SGMS1: variants seen among roughly 807,000 people sequenced by gnomAD.
SGMS1 encodes sphingomyelin synthase 1.
A neutral mutation model predicts 46.2 loss-of-function variants in SGMS1; 13 were observed. The observed-to-expected ratio is 0.28, with a 90% confidence interval of 0.18 to 0.45. The LOEUF (loss-of-function observed/expected upper bound fraction) is 0.45, where lower values mean the gene tolerates loss of function less well. Among genes scored for constraint, SGMS1 ranks in the 20% least tolerant of loss-of-function variants. The pLI, the probability that SGMS1 is intolerant of heterozygous loss-of-function variation, is 1.00. For synonymous variants in SGMS1, 203 were observed against 187.8 expected (o/e 1.08, Z -0.66); for missense variants, 324 against 519.9 (o/e 0.62, Z 3.66).
chr10:50,344,028 C>A lies in SGMS1; in HGVS notation c.87G>T (p.Glu29Asp). The A allele has an allele frequency of 6.2e-7, 1 of 1,614,140 alleles. No homozygotes were observed. The highest frequency in any genetic ancestry group is 8.5e-7 in the Non-Finnish European group (1 of 1,180,032). Residue 29 changes from glutamate to aspartate, a missense_variant, in exon 7 of 11, where the codon GAG (glutamate) becomes GAT (aspartate). Physicochemically the swap from Glu to Asp is conservative, Grantham distance 45. Transcript: ENST00000361781. The stretch of plus-strand genomic sequence containing the variant: ...TGATCAAGTCCTGGCCTGTGAAATG[C>A]TCCAGAGGCTCACAGTATTCTGGCA... ...NAMPEYCEPLEHFTGQDLINL... is the reference protein window; with the variant it reads ...NAMPEYCEPLDHFTGQDLINL...
At chr10:50,499,907 G>A (rs997272414) in intron 3 of SGMS1, among the ~76,000 whole-genome samples, 11 of 152,170 alleles carry the variant, frequency 7.2e-5, no homozygotes, top group African/African-American at 2.7e-4. Context: ...AGTGGCTCAC[G>A]CCTGTAATCC....
chr10:50,445,869 T>TCA (rs1837005617), intron 5 of SGMS1, among the ~76,000 whole-genome samples: 1 of 152,116 alleles, frequency 6.6e-6, no homozygotes, highest in Non-Finnish European at 1.5e-5. Flanking sequence ...AGGAGAAATA[T>TCA]CACTGAATTC....
chr10:50,540,171 C>T (rs1172879879), intron 2 of SGMS1, among the ~76,000 whole-genome samples: 1 of 152,094 alleles, frequency 6.6e-6, no homozygotes, highest in African/African-American at 2.4e-5. Flanking sequence ...ATACAAGGAC[C>T]TAAACATCCA....
chr10:50,422,116 A>G (rs577537582), intron 6 of SGMS1, among the ~76,000 whole-genome samples: 9 of 152,102 alleles, frequency 5.9e-5, no homozygotes, highest in Non-Finnish European at 1.0e-4. Flanking sequence ...TTATACTTCC[A>G]TTTCACAACT....
intron 1 of SGMS1, among the ~76,000 whole-genome samples, chr10:50,618,222 A>G (rs1427760376): frequency 6.6e-6 from 1 of 152,206 alleles, no homozygotes; most frequent in East Asian, 1.9e-4. Flanking sequence ...TGAACTTCAA[A>G]TAGAATAAAG....
At chr10:50,544,728 C>T (rs959887011) in intron 2 of SGMS1, among the ~76,000 whole-genome samples, 3 of 152,084 alleles carry the variant, frequency 2.0e-5, no homozygotes, top group Admixed American at 6.5e-5. Flanking sequence ...ACAGAAAGTA[C>T]AGTATAAACA....
intron 6 of SGMS1, among the ~76,000 whole-genome samples, chr10:50,398,842 T>C (rs1010493118): frequency 6.6e-6 from 1 of 152,042 alleles, no homozygotes; most frequent in African/African-American, 2.4e-5. Flanking sequence ...CCTAATATAA[T>C]AGACAGTTCT....
chr10:50,439,606 C>T (rs774347355), intron 5 of SGMS1, among the ~76,000 whole-genome samples: 1 of 152,166 alleles, frequency 6.6e-6, no homozygotes, highest in African/African-American at 2.4e-5. Context: ...TAGGAACTAA[C>T]ATTTCATGAC....
intron 2 of SGMS1, among the ~76,000 whole-genome samples, chr10:50,555,329 A>G (rs1838181411): frequency 2.0e-5 from 3 of 152,216 alleles, no homozygotes; most frequent in South Asian, 2.1e-4. Flanking sequence ...GTCATATTCT[A>G]CCTAGTTCCA....
chr10:50,540,208 T>C (rs1838039878), intron 2 of SGMS1, among the ~76,000 whole-genome samples: 1 of 152,202 alleles, frequency 6.6e-6, no homozygotes, highest in Non-Finnish European at 1.5e-5. Context: ...TCTGCTAGAT[T>C]AGAAATGTCA....
At chr10:50,508,112 T>A in intron 3 of SGMS1, among the ~76,000 whole-genome samples, 1 of 152,242 alleles carries the variant, frequency 6.6e-6, no homozygotes, top group East Asian at 1.9e-4. Flanking sequence ...AGGTGCTGTG[T>A]GACAACAATG....
chr10:50,565,152 C>G (rs560851429), intron 2 of SGMS1, among the ~76,000 whole-genome samples: 20 of 152,248 alleles, frequency 1.3e-4, no homozygotes, highest in African/African-American at 4.8e-4. Flanking sequence ...ATATCATTGC[C>G]TACCTTTCTT....
At chr10:50,408,853 T>C (rs1023026845) in intron 6 of SGMS1, among the ~76,000 whole-genome samples, 6 of 152,096 alleles carry the variant, frequency 3.9e-5, no homozygotes, top group Non-Finnish European at 7.4e-5. Flanking sequence ...CCAGCATGGC[T>C]GACAGAGCGA....
intron 3 of SGMS1, among the ~76,000 whole-genome samples, chr10:50,492,985 C>G (rs188994291): frequency 6.6e-6 from 1 of 152,250 alleles, no homozygotes; most frequent in African/African-American, 2.4e-5. Context: ...CTCACTTTAC[C>G]TGTATCTGTG....
At chr10:50,511,644 C>G (rs1330254977) in intron 3 of SGMS1, among the ~76,000 whole-genome samples, 1 of 152,120 alleles carries the variant, frequency 6.6e-6, no homozygotes, top group Non-Finnish European at 1.5e-5. Flanking sequence ...TCTTTGCAAC[C>G]ACCTGCCACA....
chr10:50,366,737 T>A (rs1037403201), intron 6 of SGMS1, among the ~76,000 whole-genome samples: 9 of 151,224 alleles, frequency 6.0e-5, no homozygotes, highest in African/African-American at 2.2e-4. Context: ...CACTCATAAG[T>A]GAGAGTTGAA....
rs1284659742 is a variant in SGMS1, at chr10:50,504,663, ATATACACAGCCTCC to A, written c.-498+15154_-498+15167del. On this transcript the variant is annotated intron_variant, in intron 3 of 10. Transcript: ENST00000361781. Reference sequence around the variant, plus strand: ...TCTAACAGCTATACTTGTAACCACTATATACACAGCCTCCTATACAAACATCAATCCTGTTCATT... The same window carrying A: ...TCTAACAGCTATACTTGTAACCACTATATACAAACATCAATCCTGTTCATT... 2.0e-5 allele frequency among the ~76,000 whole-genome samples: 3 copies of A among 152,258 alleles called. No individual in the cohort carries two copies. The East Asian group carries it at 5.8e-4, about 29-fold the overall frequency.
chr10:50,491,163 CAGGG>C (rs1430534149), intron 3 of SGMS1, among the ~76,000 whole-genome samples: 3 of 151,950 alleles, frequency 2.0e-5, no homozygotes, highest in African/African-American at 4.8e-5. Context: ...CTGGGGAATG[CAGGG>C]AGGCCCCATC....
chr10:50,581,582 T>C (rs1178077808), intron 2 of SGMS1, among the ~76,000 whole-genome samples: 1 of 152,208 alleles, frequency 6.6e-6, no homozygotes, highest in South Asian at 2.1e-4. Context: ...TCCCTGACTA[T>C]GCAGCAAGGC....
Sources: gnomAD v4.1 joint callset for allele counts (sites outside exome capture counted in the v4.1 genomes callset) on GRCh38, gnomAD v4.1.1 for gene constraint, MANE v1.5 for transcripts, NCBI Gene and HGNC (gene_info 2026-07-23, HGNC 2026-07-21) for gene names.